Variants in ERBB2 observed in about 807,000 individuals in gnomAD.
ERBB2 encodes receptor tyrosine-protein kinase erbB-2.
ERBB2 carries 61 observed loss-of-function variants against 149.0 expected under a neutral mutation model. The ratio of observed to expected loss-of-function variants is 0.41; its 90% CI spans 0.33 to 0.51. ERBB2 has a LOEUF of 0.51. ERBB2 is among the 20% of genes least tolerant of loss of function. ERBB2 has a pLI of 0.25. For synonymous variants in ERBB2, 633 were observed against 678.8 expected, an observed-to-expected ratio of 0.93 and a Z score of 1.05; for missense variants, 1,205 against 1,655.1, an observed-to-expected ratio of 0.73 and a Z score of 4.72.
chr17:39,727,984 CT>C lies in ERBB2; in HGVS notation c.3710del (p.Phe1237SerfsTer65). 1 of 1,613,206 alleles carries C rather than the reference CT, an allele frequency of 6.2e-7. No homozygotes were observed. Among genetic ancestry groups the C allele is most frequent in the Non-Finnish European group, 8.5e-7 (1 of 1,179,912 alleles). On this transcript the variant is annotated frameshift_variant, in exon 27 of 27. Transcript: ENST00000269571. LOFTEE classifies it high-confidence loss of function. The surrounding 1 kb of genome is among the most constrained non-coding windows in gnomAD (Gnocchi z 4.3). ...PPERGAPPST[F>X]KGTPTAENPE... Reference sequence around the variant, plus strand: ...CAGAGCGGGGGGCTCCACCCAGCACCTTCAAAGGGACACCTACGGCAGAGAA... The same window carrying C: ...CAGAGCGGGGGGCTCCACCCAGCACCTCAAAGGGACACCTACGGCAGAGAA...
At chr17:39,695,461 C>T (rs1442379539), upstream of ERBB2, among the ~76,000 whole-genome samples, 2 of 152,068 alleles carry the variant, frequency 1.3e-5, no homozygotes, top group Non-Finnish European at 2.9e-5. Context: ...AAGTTATCCT[C>T]CTTTGGCCCA....
rs1351035628 is a variant in ERBB2, at chr17:39,710,108, T to G, written c.666T>G (p.Gly222=). Residue 222 remains glycine (G), a synonymous_variant, in exon 6 of 27, where the codon GGT becomes GGG. Transcript: ENST00000269571. ...CAGTGACGCGCACTGTCTGTGCCGG[T>G]GGCTGTGCCCGCTGCAAGGGGCCAC... ...CQSLTRTVCA[G]GCARCKGPLP... 1 of 1,609,464 alleles carries G rather than the reference T, an allele frequency of 6.2e-7. No homozygotes were observed. The highest frequency in any genetic ancestry group is 1.3e-5 in the African/African-American group (1 of 74,920).
At chr17:39,721,261 CTT>C (rs33957748) in intron 16 of ERBB2, among the ~76,000 whole-genome samples, 4,361 of 82,878 alleles carry the variant, frequency 0.053, 210 homozygotes, top group African/African-American at 0.17. Flanking sequence ...TGAGCCAAGT[CTT>C]TTTTTTTTTT....
At chr17:39,689,413 CG>C (rs1184102217) in intron 2 of ERBB2, among the ~76,000 whole-genome samples, 6 of 152,290 alleles carry the variant, frequency 3.9e-5, no homozygotes, top group South Asian at 4.2e-4. Flanking sequence ...AGGAGCTGAC[CG>C]GAAATCCAGT....
rs756196886 is a variant in ERBB2, at chr17:39,725,332, C to T, written c.2655C>T (p.Pro885=). The change falls in exon 22 of 27, where the codon CCC becomes CCT. Residue 885 remains proline, a synonymous_variant. Coordinates refer to ENST00000269571, the MANE Select transcript of ERBB2 (RefSeq NM_004448.4). This position sits in a 1 kb window ranked among gnomAD's most constrained non-coding sequence, Gnocchi z 4.6. The stretch of plus-strand genomic sequence containing the variant: ...TTCCTCTTCTGCCCTCCCAGGTGCC[C>T]ATCAAGTGGATGGCGCTGGAGTCCA... ...TEYHADGGKV[P]IKWMALESIL... 2 of 1,613,884 alleles carry T rather than the reference C, an allele frequency of 1.2e-6. No individual in the cohort carries two copies. Among genetic ancestry groups the T allele is most frequent in the East Asian group, 2.2e-5 (1 of 44,852 alleles).
upstream of ERBB2, among the ~76,000 whole-genome samples, chr17:39,693,628 C>A (rs897921394): frequency 6.6e-6 from 1 of 151,804 alleles, no homozygotes; most frequent in Non-Finnish European, 1.5e-5. Context: ...CATGGTGGTG[C>A]GCTTCTGTAA....
chr17:39,700,419 C>T (rs923530918), intron 1 of ERBB2, 108 bp downstream of exon 1: 8 of 954,444 alleles, frequency 8.4e-6, no homozygotes, highest in East Asian at 3.3e-5. Context: ...ACGAGCTCTC[C>T]TATCCCGAAG....
At chr17:39,700,385 G>T in intron 1 of ERBB2, 74 bp downstream of exon 1, 1 of 1,190,356 alleles carries the variant, frequency 8.4e-7, no homozygotes, top group Non-Finnish European at 1.1e-6. Flanking sequence ...AGGTCCCGCG[G>T]CCGGCGGGGC....
chr17:39,696,365 C>T (rs1157356695), upstream of ERBB2: 1 of 152,242 alleles, frequency 6.6e-6, no homozygotes, highest in East Asian at 1.9e-4. Flanking sequence ...CTCTCTACCG[C>T]CCACCGGGAC....
In ERBB2 at chr17:39,725,500, G is replaced by A; in HGVS notation, c.2725+98G>A. On this transcript the variant is annotated intron_variant, in intron 22 of 26. Coordinates refer to ENST00000269571, the MANE Select transcript of ERBB2 (RefSeq NM_004448.4). This position sits in a 1 kb window ranked among gnomAD's most constrained non-coding sequence, Gnocchi z 4.6. ...GAGAATTACGGGGCCACCTCAGCATGTGAAGGGAGGGAAGGGGCTGCCTGT... is the reference window on the plus strand; with the variant it reads ...GAGAATTACGGGGCCACCTCAGCATATGAAGGGAGGGAAGGGGCTGCCTGT... The A allele has an allele frequency of 2.2e-6, 3 of 1,355,220 alleles. No individual in the cohort carries two copies. Among genetic ancestry groups the A allele is most frequent in the Non-Finnish European group, 3.1e-6 (3 of 959,930 alleles). The allele number at this position is 1,355,220 out of a possible 1,614,324, so 83.9% of individuals were successfully genotyped here.
At position 39,726,877 on chromosome 17, in the gene ERBB2, C is replaced by T. The variant is rs373188896; in HGVS notation, c.3033C>T (p.Asp1011=). ...DSTFYRSLLE[D]DDMGDLVDAE... ...CCTTCTACCGCTCACTGCTGGAGGA[C>T]GATGACATGGGGGACCTGGTGGATG... The change falls in exon 25 of 27, where the codon GAC becomes GAT. Residue 1011 remains aspartate, a synonymous_variant. Coordinates refer to ENST00000269571, the MANE Select transcript of ERBB2 (RefSeq NM_004448.4). The surrounding 1 kb of genome is among the most constrained non-coding windows in gnomAD (Gnocchi z 5.1). 147 of 1,613,828 alleles carry T rather than the reference C, an allele frequency of 9.1e-5. No individual in the cohort carries two copies. The highest frequency in any genetic ancestry group is 1.2e-4 in the Non-Finnish European group (137 of 1,179,892).
rs577329788 is a variant in ERBB2, at chr17:39,723,340, T to G, written c.1968T>G (p.Ser656=). The G allele has an allele frequency of 3.1e-6, 5 of 1,613,164 alleles. No homozygotes were observed. In the African/African-American group the frequency reaches 6.7e-5, roughly 22 times the overall value. ...QRASPLTSII[S]AVVGILLVVV... ...CCAGCCCTCTGACGTCCATCATCTC[T>G]GCGGTGGTTGGCATTCTGCTGGTCG... Residue 656 remains serine (S), a synonymous_variant, in exon 17 of 27, where the codon TCT becomes TCG. Coordinates refer to ENST00000269571, the MANE Select transcript of ERBB2 (RefSeq NM_004448.4). The surrounding 1 kb of genome is among the most constrained non-coding windows in gnomAD (Gnocchi z 6.2).
chr17:39,695,704 T>C (rs866727845), upstream of ERBB2, among the ~76,000 whole-genome samples: 97 of 96,656 alleles, frequency 1.0e-3, no homozygotes, highest in African/African-American at 2.8e-3. Context: ...GGTGCATGCA[T>C]ACACACACAC....
chr17:39,727,384 C>T lies in ERBB2; in HGVS notation c.3249C>T (p.Ser1083=), dbSNP rs376673270. 28 of 1,610,888 alleles carry T rather than the reference C, an allele frequency of 1.7e-5. No individual in the cohort carries two copies. The highest frequency in any genetic ancestry group is 3.3e-4 in the Middle Eastern group (2 of 6,068). The change falls in exon 26 of 27, where the codon TCC becomes TCT. Residue 1083 remains serine (S), a synonymous_variant. Transcript: ENST00000269571. The surrounding 1 kb of genome is among the most constrained non-coding windows in gnomAD (Gnocchi z 4.3). ...TGGCACCCTCCGAAGGGGCTGGCTC[C>T]GATGTATTTGATGGTGACCTGGGAA... The part of the protein sequence containing the change: ...SPLAPSEGAG[S]DVFDGDLGMG...
rs2059790943 is a variant in ERBB2, at chr17:39,726,783, G to C, written c.2971-32G>C. 6.2e-7 allele frequency: 1 copy of C among 1,602,754 alleles called. No individual in the cohort carries two copies. ...GAAGGCTGCATGCTGGGCTGGGGAGGGGCCACCATCCTGCCTCTCCTTCCT... is the reference window on the plus strand; with the variant it reads ...GAAGGCTGCATGCTGGGCTGGGGAGCGGCCACCATCCTGCCTCTCCTTCCT... On this transcript the variant is annotated intron_variant, in intron 24 of 26. Coordinates refer to ENST00000269571, the MANE Select transcript of ERBB2 (RefSeq NM_004448.4). The surrounding 1 kb of genome is among the most constrained non-coding windows in gnomAD (Gnocchi z 5.1).
intron 12 of ERBB2, 119 bp from the exon 13 acceptor site, chr17:39,716,182 T>A: frequency 8.7e-7 from 1 of 1,155,888 alleles, no homozygotes; most frequent in Non-Finnish European, 1.2e-6. Context: ...TCTCCCTACA[T>A]CGGCCCCACC....
Position 39,700,232 on chromosome 17 carries a change from G to A in ERBB2, c.-7G>A, listed in dbSNP as rs1423830806. 6.2e-6 allele frequency: 9 copies of A among 1,441,118 alleles called. No individual in the cohort carries two copies. The highest frequency in any genetic ancestry group is 2.5e-4 in the Middle Eastern group (1 of 4,080). The allele number at this position is 1,441,118 out of a possible 1,614,324, so 89.3% of individuals were successfully genotyped here. Reference sequence around the variant, plus strand: ...GGAGCCATGGGGCCGGAGCCGCAGTGAGCACCATGGAGCTGGCGGCCTTGT... The same window carrying A: ...GGAGCCATGGGGCCGGAGCCGCAGTAAGCACCATGGAGCTGGCGGCCTTGT... On this transcript the variant is annotated 5_prime_UTR_variant, in exon 1 of 27. An upstream open reading frame in the 5' UTR loses its in-frame stop. Transcript: ENST00000269571.
intron 16 of ERBB2, among the ~76,000 whole-genome samples, chr17:39,720,678 TCTCA>T (rs1159121851): frequency 2.0e-5 from 3 of 151,882 alleles, no homozygotes; most frequent in Non-Finnish European, 4.4e-5. Context: ...TGAGACGGAG[TCTCA>T]CTCTGCCTGC....
At chr17:39,709,768 C>A (rs2145487574) in intron 4 of ERBB2, 45 bp from the exon 5 acceptor site, 1 of 1,556,996 alleles carries the variant, frequency 6.4e-7, no homozygotes, top group Non-Finnish European at 8.8e-7. Context: ...CGTCCTCTCG[C>A]TGTTAGACAT....
Sources: gnomAD v4.1 joint callset for allele counts (sites outside exome capture counted in the v4.1 genomes callset) on GRCh38, gnomAD v4.1.1 for gene constraint, Gnocchi (gnomAD v3.1) non-coding constraint, MANE v1.5 for transcripts, NCBI Gene and HGNC (gene_info 2026-07-23, HGNC 2026-07-21) for gene names.